CNTNAP2: variants seen among roughly 807,000 people sequenced by gnomAD.
CNTNAP2 encodes the protein contactin associated protein 2.
A neutral mutation model predicts 155.2 loss-of-function variants in CNTNAP2; 98 were observed. That is an observed-to-expected ratio of 0.63 (90% CI 0.54 to 0.75). The LOEUF is 0.75. Ranked by LOEUF, CNTNAP2 falls within the 30% of genes least tolerant of loss-of-function variation. The probability of loss-of-function intolerance (pLI) is 0.00; values close to 1 mark genes in which losing one functional copy is unlikely to be tolerated. For synonymous variants in CNTNAP2, 651 were observed against 631.2 expected (o/e 1.03, Z -0.47); for missense variants, 1,727 against 1,688.1 (o/e 1.02, Z -0.40).
intron 18 of CNTNAP2, 147 bp downstream of exon 18, chr7:148,172,625 T>C: frequency 1.2e-6 from 1 of 807,876 alleles, no homozygotes; most frequent in Middle Eastern, 2.3e-4. Context: ...GTAGGAATTT[T>C]CCAACCAAAA....
intron 21 of CNTNAP2, among the ~76,000 whole-genome samples, chr7:148,331,701 GAT>G (rs1175042821): frequency 6.6e-6 from 1 of 151,438 alleles, no homozygotes; most frequent in Non-Finnish European, 1.5e-5. Context: ...GGATGGAGTG[GAT>G]GGATGGAGTG....
chr7:148,005,094 G>A (rs543422304), intron 15 of CNTNAP2, among the ~76,000 whole-genome samples: 78 of 152,216 alleles, frequency 5.1e-4, no homozygotes, highest in African/African-American at 1.9e-3. Context: ...CCATAGACTG[G>A]GTGGCTTATA....
At chr7:146,372,078 G>A in intron 1 of CNTNAP2, among the ~76,000 whole-genome samples, 1 of 152,092 alleles carries the variant, frequency 6.6e-6, no homozygotes, top group Non-Finnish European at 1.5e-5. Flanking sequence ...TACAAAATAG[G>A]ACAATGAAGA....
At chr7:146,540,089 G>A (rs1377169716) in intron 1 of CNTNAP2, among the ~76,000 whole-genome samples, 3 of 152,192 alleles carry the variant, frequency 2.0e-5, no homozygotes, top group Non-Finnish European at 4.4e-5. Flanking sequence ...GAACTTAATA[G>A]CTTTGGATTG....
intron 1 of CNTNAP2, among the ~76,000 whole-genome samples, chr7:146,519,716 A>G (rs1196003638): frequency 1.3e-5 from 2 of 151,902 alleles, no homozygotes; most frequent in Non-Finnish European, 2.9e-5. Flanking sequence ...GCAAACAGAC[A>G]CGCAGGGGAG....
chr7:146,719,129 G>T (rs1339984565), intron 1 of CNTNAP2, among the ~76,000 whole-genome samples: 1 of 152,108 alleles, frequency 6.6e-6, no homozygotes, highest in Non-Finnish European at 1.5e-5. Context: ...ATGCAATAAG[G>T]AGAATTTTAT....
intron 1 of CNTNAP2, among the ~76,000 whole-genome samples, chr7:146,528,255 G>A (rs1370237126): frequency 1.3e-5 from 2 of 152,162 alleles, no homozygotes; most frequent in African/African-American, 2.4e-5. Flanking sequence ...GTAAAGATGG[G>A]TTGGAGAGTT....
At chr7:148,340,639 C>T (rs1185115923) in intron 21 of CNTNAP2, among the ~76,000 whole-genome samples, 1 of 152,232 alleles carries the variant, frequency 6.6e-6, no homozygotes, top group African/African-American at 2.4e-5. Context: ...GCACTTCAGA[C>T]GTTCACAGCT....
intron 1 of CNTNAP2, among the ~76,000 whole-genome samples, chr7:146,259,983 C>A (rs1799896229): frequency 6.6e-6 from 1 of 152,192 alleles, no homozygotes; most frequent in Admixed American, 6.5e-5. Flanking sequence ...CTGGGCCAAG[C>A]CCAGGGCGAT....
intron 1 of CNTNAP2, among the ~76,000 whole-genome samples, chr7:146,467,523 C>G (rs190732526): frequency 1.1e-4 from 16 of 152,186 alleles, no homozygotes; most frequent in Admixed American, 9.8e-4. Context: ...TTGGAACAGC[C>G]TGTTCAATAA....
chr7:146,497,665 G>A (rs1441412516), intron 1 of CNTNAP2, among the ~76,000 whole-genome samples: 1 of 151,614 alleles, frequency 6.6e-6, no homozygotes, highest in African/African-American at 2.4e-5. Context: ...AAGAGGTCTT[G>A]TCAAATTGAT....
chr7:146,839,363 C>T (rs955911716), intron 2 of CNTNAP2, among the ~76,000 whole-genome samples: 7 of 152,010 alleles, frequency 4.6e-5, no homozygotes, highest in Non-Finnish European at 8.8e-5. Flanking sequence ...TGGATAGTTA[C>T]ATACATTTTT....
At chr7:147,222,846 G>A (rs74347543) in intron 8 of CNTNAP2, among the ~76,000 whole-genome samples, 2,804 of 140,590 alleles carry the variant, frequency 0.02, 104 homozygotes, top group African/African-American at 0.07. Flanking sequence ...GCCTCGTTAG[G>A]TGGGACAGGA....
chr7:146,864,119 A>G (rs1025491635), intron 3 of CNTNAP2, among the ~76,000 whole-genome samples: 4 of 152,176 alleles, frequency 2.6e-5, no homozygotes, highest in African/African-American at 9.6e-5. Context: ...CTCTTTAATA[A>G]TGTAGAGCAT....
At chr7:146,964,901 G>T (rs13309887) in intron 3 of CNTNAP2, among the ~76,000 whole-genome samples, 2 of 93,450 alleles carry the variant, frequency 2.1e-5, no homozygotes, top group African/African-American at 6.6e-5. Flanking sequence ...ACTGGCCAGA[G>T]TTGACCAACC....
chr7:146,651,944 A>T (rs1299433185), intron 1 of CNTNAP2, among the ~76,000 whole-genome samples: 1 of 152,162 alleles, frequency 6.6e-6, no homozygotes, highest in East Asian at 1.9e-4. Flanking sequence ...ATATTATGAT[A>T]GGCTGGCTAT....
chr7:146,892,053 T>A (rs1795788971), intron 3 of CNTNAP2, among the ~76,000 whole-genome samples: 1 of 152,146 alleles, frequency 6.6e-6, no homozygotes, highest in Admixed American at 6.6e-5. Context: ...AATATTTATT[T>A]TACTCATGAA....
intron 3 of CNTNAP2, among the ~76,000 whole-genome samples, chr7:146,960,059 C>T (rs1797524734): frequency 6.6e-6 from 1 of 152,152 alleles, no homozygotes; most frequent in African/African-American, 2.4e-5. Flanking sequence ...CTGACACTCA[C>T]CTTCTCTTCT....
intron 21 of CNTNAP2, among the ~76,000 whole-genome samples, chr7:148,280,705 G>A (rs1796961165): frequency 6.6e-6 from 1 of 152,038 alleles, no homozygotes; most frequent in South Asian, 2.1e-4. Flanking sequence ...GATCGCCTCA[G>A]GTCAGGAGTT....
Sources: allele counts gnomAD v4.1 joint callset (sites outside exome capture counted in the v4.1 genomes callset), GRCh38; gene constraint gnomAD v4.1.1; transcripts MANE v1.5; gene names NCBI Gene and HGNC (gene_info 2026-07-23, HGNC 2026-07-21).